Variants in CLK3 observed in about 807,000 individuals in gnomAD.
CLK3 encodes the protein CDC like kinase 3.
Under a neutral mutation model 65.2 loss-of-function variants are expected in CLK3, and 24 were observed. The ratio of observed to expected loss-of-function variants is 0.37; its 90% CI spans 0.27 to 0.52. The LOEUF (loss-of-function observed/expected upper bound fraction) is 0.52. Among genes scored for constraint, CLK3 ranks in the 20% least tolerant of loss-of-function variants. CLK3 has a pLI of 0.92. For synonymous variants in CLK3, 252 were observed against 240.8 expected (o/e 1.05, Z -0.43); for missense variants, 506 against 660.0 (o/e 0.77, Z 2.56).
At chr15:74,610,312 A>C (rs1455607784) in intron 1 of CLK3, among the ~76,000 whole-genome samples, 3 of 152,018 alleles carry the variant, frequency 2.0e-5, no homozygotes, top group African/African-American at 7.2e-5. Context: ...CTTGTCTTCT[A>C]TGTTCTGGTC....
intron 1 of CLK3, among the ~76,000 whole-genome samples, chr15:74,609,447 G>T (rs1360116658): frequency 6.6e-6 from 1 of 152,252 alleles, no homozygotes; most frequent in Non-Finnish European, 1.5e-5. Context: ...TTTCCTCTGT[G>T]CCCCTAGAGC....
At position 74,629,008 on chromosome 15, in the gene CLK3, G is replaced by C. The variant is rs1284427245; in HGVS notation, c.1272G>C (p.Val424=). ...WDENSSDGRY[V]KENCKPLKSY... is the part of the protein sequence containing the mutation. ...AGAACAGCTCTGACGGCCGGTATGT[G>C]AAGGAGAACTGCAAACCTCTGAAGG... Residue 424 remains valine, a synonymous_variant, in exon 12 of 13, where the codon GTG becomes GTC. Coordinates refer to ENST00000395066, the MANE Select transcript of CLK3 (RefSeq NM_001130028.2). 2.5e-6 allele frequency: 4 copies of C among 1,613,802 alleles called. No homozygotes were observed. Among genetic ancestry groups the C allele is most frequent in the Non-Finnish European group, 3.4e-6 (4 of 1,179,660 alleles).
chr15:74,624,030 C>T lies in CLK3; in HGVS notation c.534-872C>T, dbSNP rs1207463391. 6.6e-6 allele frequency: 1 copy of T among 152,252 alleles called. No individual in the cohort carries two copies. The highest frequency in any genetic ancestry group is 1.5e-5 in the Non-Finnish European group (1 of 68,056). The allele number at this position is 152,252 out of a possible 1,614,324, so 9.4% of individuals were successfully genotyped here. Reference sequence around the variant, plus strand: ...GGTAGGGAGAAAAAAGCAGGGGATTCTCTAGAAGGTCCCTTTATCCTGGGC... The same window carrying T: ...GGTAGGGAGAAAAAAGCAGGGGATTTTCTAGAAGGTCCCTTTATCCTGGGC... On this transcript the variant is annotated intron_variant, in intron 5 of 12. Transcript: ENST00000395066. This position sits in a 1 kb window ranked among gnomAD's most constrained non-coding sequence, Gnocchi z 4.2.
At position 74,628,929 on chromosome 15, in the gene CLK3, C is replaced by G. The variant is rs886388488; in HGVS notation, c.1206-13C>G. 2 of 1,594,568 alleles carry G rather than the reference C, an allele frequency of 1.3e-6. No homozygotes were observed. The highest frequency in any genetic ancestry group is 1.7e-6 in the Non-Finnish European group (2 of 1,162,478). On this transcript the variant is annotated splice_polypyrimidine_tract_variant and intron_variant, in intron 11 of 12. Transcript: ENST00000395066. ...ACTACTCCCACACTTGACTCCACCC[C>G]CTTAATTTTCAGGAAGCAGAAATAT... is the stretch of plus-strand genomic sequence containing the variant.
chr15:74,615,891 G>A lies in CLK3; in HGVS notation c.-8G>A. The A allele has an allele frequency of 8.0e-7, 1 of 1,253,298 alleles. No homozygotes were observed. Among genetic ancestry groups the A allele is most frequent in the Non-Finnish European group, 1.0e-6 (1 of 999,116 alleles). 77.6% of individuals were successfully genotyped at this position (1,253,298 alleles called of 1,614,324 possible). A position where few individuals can be genotyped will look rare whatever the true frequency, so the allele number is the denominator to read the frequency against. On this transcript the variant is annotated 5_prime_UTR_variant, in exon 1 of 13. Transcript: ENST00000395066. ...TGGGGCCTAGCTGCAGCCGGAGCCTGGGAGACGGTAAGTGTGGGCTGGGGT... is the reference window on the plus strand; with the variant it reads ...TGGGGCCTAGCTGCAGCCGGAGCCTAGGAGACGGTAAGTGTGGGCTGGGGT...
chr15:74,612,956 G>A (rs2062008916), upstream of CLK3, among the ~76,000 whole-genome samples: 1 of 152,240 alleles, frequency 6.6e-6, no homozygotes, highest in South Asian at 2.1e-4. Context: ...ATGGTCCACA[G>A]AATGGAGTGC....
At chr15:74,616,037 C>A (rs1567141480) in intron 1 of CLK3, 139 bp downstream of exon 1, 1 of 623,576 alleles carries the variant, frequency 1.6e-6, no homozygotes, top group Non-Finnish European at 2.3e-6. Flanking sequence ...GGGCCGCGAC[C>A]TCTCACCCCT....
In CLK3 at chr15:74,628,677, G is replaced by A. The variant is rs766106531; in HGVS notation, c.1199G>A (p.Arg400His). ...CCCATCCCATCACACATGATCCACCGTACCAGGTAAGGACCCCAGTAGCCC... is the reference window on the plus strand; with the variant it reads ...CCCATCCCATCACACATGATCCACCATACCAGGTAAGGACCCCAGTAGCCC... ...LGPIPSHMIH[R>H]TRKQKYFYKG... Residue 400 changes from arginine (R) to histidine (H), a missense_variant, in exon 11 of 13, where the codon CGT (arginine) becomes CAT (histidine). Transcript: ENST00000395066. 6.2e-6 allele frequency: 10 copies of A among 1,611,628 alleles called. No individual in the cohort carries two copies. Among genetic ancestry groups the A allele is most frequent in the African/African-American group, 2.7e-5 (2 of 74,740 alleles).
At chr15:74,616,618 TGGC>T (rs2062062417) in intron 1 of CLK3, among the ~76,000 whole-genome samples, 1 of 152,248 alleles carries the variant, frequency 6.6e-6, no homozygotes, top group Non-Finnish European at 1.5e-5. Flanking sequence ...GAGGCGGAGT[TGGC>T]GGCCTTCCAG....
rs756325068 is a variant in CLK3, at chr15:74,625,911, C to T, written c.760C>T (p.Pro254Ser). The change falls in exon 7 of 13, where the codon CCT (proline) becomes TCT (serine). Residue 254 changes from proline to serine, a missense_variant. Physicochemically the swap from Pro to Ser is moderately conservative, Grantham distance 74 (BLOSUM62 -1). Transcript: ENST00000395066. ...GTTCCTGAAGGAGAATAACTTCCAG[C>T]CTTACCCCCTACCACATGTCCGGCA... ...FEFLKENNFQ[P>S]YPLPHVRHMA... The T allele has an allele frequency of 6.2e-7, 1 of 1,614,180 alleles. No individual in the cohort carries two copies. The highest frequency in any genetic ancestry group is 1.3e-5 in the African/African-American group (1 of 75,036).
chr15:74,623,036 C>T (rs1199422437), intron 5 of CLK3, among the ~76,000 whole-genome samples: 1 of 152,236 alleles, frequency 6.6e-6, no homozygotes, highest in Non-Finnish European at 1.5e-5. Context: ...TGGGCTTTCT[C>T]ACCAAGCAGG....
At position 74,627,381 on chromosome 15, in the gene CLK3, G is replaced by T; in HGVS notation, c.847G>T (p.Asp283Tyr). The T allele has an allele frequency of 6.2e-7, 1 of 1,614,144 alleles. No homozygotes were observed. Among genetic ancestry groups the T allele is most frequent in the South Asian group, 1.1e-5 (1 of 91,046 alleles). Residue 283 changes from aspartate to tyrosine, a missense_variant, in exon 8 of 13, where the codon GAC (aspartate) becomes TAC (tyrosine). This residue lies in a region of CLK3 where 325 missense variants were observed against 500.5 expected (regional missense o/e 0.65). Transcript: ENST00000395066. This position sits in a 1 kb window ranked among gnomAD's most constrained non-coding sequence, Gnocchi z 4.3. ...FLHENQLTHTDLKPENILFVN... is the reference protein window; with the variant it reads ...FLHENQLTHTYLKPENILFVN... ...GCATGAGAATCAGCTGACCCATACA[G>T]ACTTGAAACCAGAGAACATCCTGTT...
chr15:74,621,942 C>G lies in CLK3; in HGVS notation c.370-178C>G. On this transcript the variant is annotated intron_variant, in intron 3 of 12. Coordinates refer to ENST00000395066, the MANE Select transcript of CLK3 (RefSeq NM_001130028.2). The surrounding 1 kb of genome is among the most constrained non-coding windows in gnomAD (Gnocchi z 4.8). The stretch of plus-strand genomic sequence containing the variant: ...TGTCTTGACGTGTCCCTTGCAATAT[C>G]CCTATCGTTATATATGCTGTGTGCC... 1 of 683,076 alleles carries G rather than the reference C, an allele frequency of 1.5e-6. No homozygotes were observed. 42.3% of individuals were successfully genotyped at this position (683,076 alleles called of 1,614,324 possible).
At chr15:74,629,127 C>A in intron 12 of CLK3, 95 bp downstream of exon 12, 1 of 962,078 alleles carries the variant, frequency 1.0e-6, no homozygotes, top group Non-Finnish European at 1.7e-6. Flanking sequence ...CCGCTAAAGG[C>A]TGCCTCCTTG....
intron 7 of CLK3, 26 bp downstream of exon 7, chr15:74,625,994 A>G: frequency 6.2e-7 from 1 of 1,611,746 alleles, no homozygotes; most frequent in Non-Finnish European, 8.5e-7. Flanking sequence ...CAAAAGAAGC[A>G]TGGGCAGCCA....
chr15:74,629,839 C>T lies in CLK3; in HGVS notation c.1429C>T (p.Pro477Ser). 3 of 1,611,046 alleles carry T rather than the reference C, an allele frequency of 1.9e-6. No individual in the cohort carries two copies. The highest frequency in any genetic ancestry group is 2.5e-6 in the Non-Finnish European group (3 of 1,178,860). ...LLHPFFAGLT[P>S]EERSFHTSRN... ...GCACCCCTTCTTTGCTGGCCTGACC[C>T]CTGAGGAGCGGTCCTTCCACACCAG... Residue 477 changes from proline (P) to serine (S), a missense_variant, in exon 13 of 13, where the codon CCT becomes TCT. Physicochemically the swap from Pro to Ser is moderately conservative, Grantham distance 74. This residue lies in a region of CLK3 where 325 missense variants were observed against 500.5 expected (regional missense o/e 0.65). Transcript: ENST00000395066.
Position 74,627,276 on chromosome 15 carries a change from A to AG in CLK3, c.818-75dup. 1 of 1,147,184 alleles carries AG rather than the reference A, an allele frequency of 8.7e-7. No individual in the cohort carries two copies. Among genetic ancestry groups the AG allele is most frequent in the Non-Finnish European group, 1.3e-6 (1 of 756,486 alleles). 71.1% of individuals were successfully genotyped at this position (1,147,184 alleles called of 1,614,324 possible). A position where few individuals can be genotyped will look rare whatever the true frequency, so the allele number is the denominator to read the frequency against. ...ACCTCTGGCAGTTGCTGGCATTGGA[A>AG]GAGGGGTCTGGCCTAGAGCTGGCAG... On this transcript the variant is annotated intron_variant, in intron 7 of 12. Coordinates refer to ENST00000395066, the MANE Select transcript of CLK3 (RefSeq NM_001130028.2). The surrounding 1 kb of genome is among the most constrained non-coding windows in gnomAD (Gnocchi z 4.3).
At chr15:74,619,678 C>T (rs1440006086) in intron 2 of CLK3, among the ~76,000 whole-genome samples, 1 of 152,138 alleles carries the variant, frequency 6.6e-6, no homozygotes, top group Non-Finnish European at 1.5e-5. Flanking sequence ...AAGTTTGCTC[C>T]CTGGGCCTAT....
intron 1 of CLK3, among the ~76,000 whole-genome samples, chr15:74,616,849 C>T (rs1954572971): frequency 6.6e-6 from 1 of 152,252 alleles, no homozygotes; most frequent in African/African-American, 2.4e-5. Flanking sequence ...GAGAAGCCGA[C>T]AAGGCCTGTG....
Sources: gnomAD v4.1 joint callset for allele counts (sites outside exome capture counted in the v4.1 genomes callset) on GRCh38, gnomAD v4.1.1 for gene constraint, gnomAD v4.1.1 regional missense constraint, Gnocchi (gnomAD v3.1) non-coding constraint, MANE v1.5 for transcripts, NCBI Gene and HGNC (gene_info 2026-07-23, HGNC 2026-07-21) for gene names.